Variants in DHRSX observed in about 807,000 individuals in gnomAD.
The protein encoded by DHRSX is dehydrogenase/reductase X-linked.
A neutral mutation model predicts 34.0 loss-of-function variants in DHRSX; 31 were observed. The ratio of observed to expected loss-of-function variants is 0.91; its 90% CI spans 0.69 to 1.23. The LOEUF (loss-of-function observed/expected upper bound fraction) is 1.23, where lower values mean the gene tolerates loss of function less well. Among genes scored for constraint, DHRSX ranks in the 50% most tolerant of loss-of-function variants. DHRSX has a pLI of 0.00. For synonymous variants in DHRSX, 201 were observed against 183.8 expected (o/e 1.09, Z -0.76); for missense variants, 414 against 428.1 (o/e 0.97, Z 0.29).
intron 3 of DHRSX, among the ~76,000 whole-genome samples, chrX:2,353,962 A>C (rs2042818114): frequency 6.6e-6 from 1 of 152,132 alleles, no homozygotes; most frequent in South Asian, 2.1e-4. Flanking sequence ...GGATACCAGG[A>C]GAGCCCAGGA....
At chrX:2,249,849 T>C (rs1377148554) in intron 5 of DHRSX, among the ~76,000 whole-genome samples, 1 of 150,888 alleles carries the variant, frequency 6.6e-6, no homozygotes, top group Non-Finnish European at 1.5e-5. Flanking sequence ...GTAACATCAC[T>C]ACTTGAAATT....
intron 3 of DHRSX, among the ~76,000 whole-genome samples, chrX:2,390,989 T>C (rs1175568021): frequency 1.3e-5 from 2 of 152,218 alleles, no homozygotes; most frequent in Non-Finnish European, 2.9e-5. Flanking sequence ...TGAATACCCT[T>C]CCTTTTTTAT....
intron 5 of DHRSX, among the ~76,000 whole-genome samples, chrX:2,243,800 T>TGTTTG (rs1314508105): frequency 5.0e-5 from 4 of 80,598 alleles, no homozygotes; most frequent in African/African-American, 1.8e-4. Context: ...TTTTTTTTTT[T>TGTTTG]TTTTTTTTTT....
intron 6 of DHRSX, among the ~76,000 whole-genome samples, chrX:2,231,560 TTC>T (rs1011562587): frequency 2.2e-4 from 33 of 150,656 alleles, no homozygotes; most frequent in Non-Finnish European, 3.1e-4. Context: ...CTCTTCCTTT[TTC>T]TCTCTTCTTC....
chrX:2,249,371 T>TTG (rs2016379201), intron 5 of DHRSX, among the ~76,000 whole-genome samples: 3 of 148,480 alleles, frequency 2.0e-5, no homozygotes, highest in African/African-American at 7.5e-5. Flanking sequence ...TTTTTTTTTT[T>TTG]GTATTTTTAG....
intron 3 of DHRSX, among the ~76,000 whole-genome samples, chrX:2,329,237 C>CTCT (rs1379008502): frequency 6.6e-6 from 1 of 152,070 alleles, no homozygotes; most frequent in Non-Finnish European, 1.5e-5. Context: ...ATAGCATACT[C>CTCT]TAATAGTCCA....
chrX:2,478,162 G>A (rs1052670502), intron 1 of DHRSX, among the ~76,000 whole-genome samples: 15 of 152,230 alleles, frequency 9.9e-5, no homozygotes, highest in African/African-American at 1.7e-4. Flanking sequence ...AGAAGGATGC[G>A]GACAGGGCAG....
chrX:2,370,720 G>A (rs1475573699), intron 3 of DHRSX, among the ~76,000 whole-genome samples: 1 of 151,784 alleles, frequency 6.6e-6, no homozygotes, highest in African/African-American at 2.4e-5. Flanking sequence ...TGAATTCCTC[G>A]TCTTCCTTGA....
chrX:2,430,474 C>T (rs940619728), intron 1 of DHRSX, among the ~76,000 whole-genome samples: 23 of 152,202 alleles, frequency 1.5e-4, no homozygotes, highest in Admixed American at 1.4e-3. Flanking sequence ...GAACATGTTT[C>T]GCAAGATCGG....
At chrX:2,341,893 C>T (rs930108033) in intron 3 of DHRSX, among the ~76,000 whole-genome samples, 1 of 152,050 alleles carries the variant, frequency 6.6e-6, no homozygotes, top group African/African-American at 2.4e-5. Context: ...CAACCTCTAC[C>T]TCCTGGGTTC....
At chrX:2,490,684 G>A (rs1156740546) in intron 1 of DHRSX, 1 of 1,613,780 alleles carries the variant, frequency 6.2e-7, no homozygotes, top group Admixed American at 1.7e-5. Flanking sequence ...CCAGCTTCAG[G>A]TCTGTCTGGG....
intron 3 of DHRSX, among the ~76,000 whole-genome samples, chrX:2,310,143 G>A (rs1204798121): frequency 7.2e-5 from 11 of 152,068 alleles, no homozygotes; most frequent in Middle Eastern, 6.8e-3. Flanking sequence ...AGTTCTTCCC[G>A]CACTTGTGGG....
intron 6 of DHRSX, among the ~76,000 whole-genome samples, chrX:2,235,504 GGAGGCC>G (rs1258518030): frequency 6.6e-6 from 1 of 151,824 alleles, no homozygotes; most frequent in Non-Finnish European, 1.5e-5. Flanking sequence ...CAGCACTCTG[GGAGGCC>G]GAGGCCGGCG....
chrX:2,234,396 G>C (rs1009550414), intron 6 of DHRSX, among the ~76,000 whole-genome samples: 7 of 150,152 alleles, frequency 4.7e-5, no homozygotes, highest in African/African-American at 1.7e-4. Context: ...ACACAGCCCT[G>C]ATCCATGCAC....
intron 1 of DHRSX, among the ~76,000 whole-genome samples, chrX:2,485,985 G>C (rs915466128): frequency 6.6e-6 from 1 of 151,686 alleles, no homozygotes; most frequent in Admixed American, 6.6e-5. Flanking sequence ...GGAAGGAGGA[G>C]GGAAGGAAGA....
intron 1 of DHRSX, among the ~76,000 whole-genome samples, chrX:2,426,727 T>G (rs1325429447): frequency 6.7e-6 from 1 of 149,236 alleles, no homozygotes; most frequent in Non-Finnish European, 1.5e-5. Context: ...CTTCACTTCT[T>G]TCTCTCACTT....
intron 3 of DHRSX, among the ~76,000 whole-genome samples, chrX:2,345,884 T>G (rs1456298735): frequency 2.0e-5 from 3 of 152,130 alleles, no homozygotes; most frequent in African/African-American, 7.2e-5. Context: ...TCTTGAGACT[T>G]GCCAGCCTCC....
At chrX:2,330,231 A>T (rs2042448465) in intron 3 of DHRSX, among the ~76,000 whole-genome samples, 1 of 150,800 alleles carries the variant, frequency 6.6e-6, no homozygotes. Flanking sequence ...GGGAAAAAAA[A>T]AGTAGAAGGG....
At chrX:2,417,526 G>A (rs753329100) in intron 2 of DHRSX, among the ~76,000 whole-genome samples, 1 of 152,062 alleles carries the variant, frequency 6.6e-6, no homozygotes, top group Admixed American at 6.5e-5. Context: ...ACCTCATCAT[G>A]ATCTATCCAC....
Sources: allele counts gnomAD v4.1 joint callset (sites outside exome capture counted in the v4.1 genomes callset), GRCh38; gene constraint gnomAD v4.1.1; transcripts MANE v1.5; gene names NCBI Gene and HGNC (gene_info 2026-07-23, HGNC 2026-07-21).